ADAMTS6: variants seen among roughly 807,000 people sequenced by gnomAD.
ADAMTS6 encodes ADAM metallopeptidase with thrombospondin type 1 motif 6.
A neutral mutation model predicts 144.3 loss-of-function variants in ADAMTS6; 23 were observed. The observed-to-expected ratio is 0.16, with a 90% CI of 0.11 to 0.23. The LOEUF (loss-of-function observed/expected upper bound fraction) is 0.23, where lower values mean the gene tolerates loss of function less well. Among genes scored for constraint, ADAMTS6 ranks in the 10% least tolerant of loss-of-function variants. The pLI, the probability that ADAMTS6 is intolerant of heterozygous loss-of-function variation, is 1.00. For missense variants in ADAMTS6, 999 were observed against 1,379.6 expected, an observed-to-expected ratio of 0.72 and a Z score of 4.37; for synonymous variants, 444 against 457.5, an observed-to-expected ratio of 0.97 and a Z score of 0.38.
chr5:65,169,478 C>T (rs1240381196), intron 24 of ADAMTS6, among the ~76,000 whole-genome samples: 11 of 133,470 alleles, frequency 8.2e-5, no homozygotes, highest in South Asian at 2.5e-4. Flanking sequence ...GTCAGTGTGG[C>T]GATTCCTCAG....
At chr5:65,350,401 C>A (rs989842993) in intron 7 of ADAMTS6, among the ~76,000 whole-genome samples, 2 of 152,052 alleles carry the variant, frequency 1.3e-5, no homozygotes, top group African/African-American at 2.4e-5. Context: ...CTTTTTCAAC[C>A]CTTTAATTAT....
Position 65,191,181 on chromosome 5 carries a change from T to C in ADAMTS6, c.2706-2961A>G, listed in dbSNP as rs138917334. Among the ~76,000 whole-genome samples the C allele has an allele frequency of 5.3e-3, 803 of 152,282 alleles. 5 individuals carry two copies. The highest frequency in any genetic ancestry group is 9.7e-3 in the Non-Finnish European group (660 of 67,990). Reference sequence around the variant, plus strand: ...TTTATCTTCACAAGTCCTTCATAGCTATTAGACATTAACAATTAGTGGGAT... The same window carrying C: ...TTTATCTTCACAAGTCCTTCATAGCCATTAGACATTAACAATTAGTGGGAT... On this transcript the variant is annotated intron_variant, in intron 21 of 24. Transcript: ENST00000381055.
intron 3 of ADAMTS6, among the ~76,000 whole-genome samples, chr5:65,470,366 T>C (rs1364317377): frequency 1.3e-5 from 2 of 152,208 alleles, no homozygotes; most frequent in African/African-American, 4.8e-5. Flanking sequence ...TAAGATATGT[T>C]ACCTACCAAA....
rs139896846 is a variant in ADAMTS6, at chr5:65,424,018, T to C, written c.1073+27457A>G. On this transcript the variant is annotated intron_variant, in intron 7 of 24. Coordinates refer to ENST00000381055, the MANE Select transcript of ADAMTS6 (RefSeq NM_197941.4). Reference sequence around the variant, plus strand: ...ATTGGCAGCATTTATAAGAACTAAGTAGTTATAAGTAGTTCACTAAGAATG... The same window carrying C: ...ATTGGCAGCATTTATAAGAACTAAGCAGTTATAAGTAGTTCACTAAGAATG... Among the ~76,000 whole-genome samples the C allele has an allele frequency of 1.2e-4, 18 of 152,266 alleles. No homozygotes were observed. In the East Asian group the frequency reaches 3.3e-3, roughly 28 times the overall value.
chr5:65,396,840 G>A (rs1285330076), intron 7 of ADAMTS6, among the ~76,000 whole-genome samples: 1 of 152,232 alleles, frequency 6.6e-6, no homozygotes, highest in Non-Finnish European at 1.5e-5. Flanking sequence ...GTATGAGGGA[G>A]ATGCTGGCAT....
rs142742939 is a variant in ADAMTS6, at chr5:65,269,684, G to A, written c.1620+3656C>T. 3.6e-3 allele frequency among the ~76,000 whole-genome samples: 547 copies of A among 151,922 alleles called. 4 individuals carry two copies. The highest frequency in any genetic ancestry group is 2.8e-3 in the Non-Finnish European group (191 of 67,944). On this transcript the variant is annotated intron_variant, in intron 12 of 24. Coordinates refer to ENST00000381055, the MANE Select transcript of ADAMTS6 (RefSeq NM_197941.4). ...CTAGTAAGTCTTATTTTTCTCTTCT[G>A]TAAAATGGAGTTAAAACTGTACCTA... is the stretch of plus-strand genomic sequence containing the variant.
intron 7 of ADAMTS6, among the ~76,000 whole-genome samples, chr5:65,426,971 A>G (rs187166406): frequency 2.0e-4 from 30 of 152,310 alleles, no homozygotes; most frequent in Admixed American, 1.8e-3. Context: ...CACTAAACAG[A>G]AACAGAACAA....
intron 1 of ADAMTS6, among the ~76,000 whole-genome samples, chr5:65,475,988 C>G (rs1017441365): frequency 1.4e-4 from 21 of 152,158 alleles, no homozygotes; most frequent in Admixed American, 3.9e-4. Context: ...TTGATTCTAA[C>G]CAATAGAATA....
intron 7 of ADAMTS6, among the ~76,000 whole-genome samples, chr5:65,368,856 A>G (rs1174135175): frequency 2.0e-5 from 3 of 152,172 alleles, no homozygotes; most frequent in African/African-American, 7.2e-5. Flanking sequence ...GGAATTCAAG[A>G]CCAGTCTGGC....
chr5:65,372,669 C>G (rs899934846), intron 7 of ADAMTS6, among the ~76,000 whole-genome samples: 1 of 152,128 alleles, frequency 6.6e-6, no homozygotes, highest in African/African-American at 2.4e-5. Context: ...GAGACTTTAA[C>G]ACCCCACTGT....
chr5:65,294,782 T>C (rs1165091771), intron 10 of ADAMTS6, among the ~76,000 whole-genome samples: 1 of 152,140 alleles, frequency 6.6e-6, no homozygotes, highest in African/African-American at 2.4e-5. Flanking sequence ...TTTCCTTACT[T>C]TTTTTCTATG....
chr5:65,310,190 C>G (rs1744357144), intron 9 of ADAMTS6, among the ~76,000 whole-genome samples: 1 of 151,844 alleles, frequency 6.6e-6, no homozygotes, highest in Admixed American at 6.6e-5. Context: ...ATTTTAAGTT[C>G]CTGGAGGCCT....
intron 24 of ADAMTS6, 24 bp downstream of exon 24, chr5:65,170,593 G>A (rs777832492): frequency 3.1e-6 from 5 of 1,611,930 alleles, no homozygotes; most frequent in Non-Finnish European, 4.2e-6. Context: ...GAAACCACAG[G>A]CCCCTCCTCC....
intron 18 of ADAMTS6, among the ~76,000 whole-genome samples, chr5:65,221,758 A>G (rs1309206064): frequency 6.6e-6 from 1 of 152,206 alleles, no homozygotes; most frequent in East Asian, 1.9e-4. Context: ...ATGAATTTAC[A>G]AAACAACTGT....
At chr5:65,183,688 G>A (rs1323677723) in intron 22 of ADAMTS6, among the ~76,000 whole-genome samples, 1 of 151,952 alleles carries the variant, frequency 6.6e-6, no homozygotes, top group Non-Finnish European at 1.5e-5. Flanking sequence ...AAAGCAAGAT[G>A]AGCCACGGTT....
chr5:65,256,985 C>CTCTCTCTCTTT (rs765554792), intron 14 of ADAMTS6, among the ~76,000 whole-genome samples: 9 of 88,676 alleles, frequency 1.0e-4, no homozygotes, highest in African/African-American at 5.2e-4. Context: ...CTCTCTCTCT[C>CTCTCTCTCTTT]TTTTTTTTTT....
chr5:65,196,348 C>T (rs1755354862), intron 21 of ADAMTS6, among the ~76,000 whole-genome samples: 1 of 151,566 alleles, frequency 6.6e-6, no homozygotes, highest in Non-Finnish European at 1.5e-5. Flanking sequence ...CAGTGAAACC[C>T]CGTCTCTACT....
intron 14 of ADAMTS6, among the ~76,000 whole-genome samples, chr5:65,253,812 CTTTTTTTTTTTTTT>C (rs759508097): frequency 1.3e-4 from 9 of 66,962 alleles, no homozygotes; most frequent in Non-Finnish European, 2.3e-4. Flanking sequence ...AATATTCAAT[CTTTTTTTTTTTTTT>C]TTTTTTTTTT....
intron 11 of ADAMTS6, among the ~76,000 whole-genome samples, chr5:65,288,979 G>C (rs914963196): frequency 2.0e-5 from 3 of 152,236 alleles, no homozygotes; most frequent in African/African-American, 7.2e-5. Context: ...CACAAGTTCA[G>C]AGGTGGGAGT....
Sources: allele counts gnomAD v4.1 joint callset (sites outside exome capture counted in the v4.1 genomes callset), GRCh38; gene constraint gnomAD v4.1.1; transcripts MANE v1.5; gene names NCBI Gene and HGNC (gene_info 2026-07-23, HGNC 2026-07-21).